CHERP: variants seen among roughly 807,000 people sequenced by gnomAD.
The protein encoded by CHERP is ERPROT 213-21.
Under a neutral mutation model 113.8 loss-of-function variants are expected in CHERP, and 8 were observed. The observed-to-expected ratio is 0.07, with a 90% CI of 0.04 to 0.13. The LOEUF (loss-of-function observed/expected upper bound fraction) is 0.13. Among genes scored for constraint, CHERP ranks in the 10% least tolerant of loss-of-function variants. The pLI is 1.00. For synonymous variants in CHERP, 559 were observed against 524.5 expected, an observed-to-expected ratio of 1.07 and a Z score of -0.90; for missense variants, 884 against 1,298.2, an observed-to-expected ratio of 0.68 and a Z score of 4.90.
chr19:16,542,405 GGCGCCACACGATCGACCACCA>G lies in CHERP; in HGVS notation c.-48_-28del. On this transcript the variant is annotated 5_prime_UTR_variant, in exon 1 of 17. Coordinates refer to ENST00000546361, the MANE Select transcript of CHERP (RefSeq NM_006387.6). ...GCTCCGGCCGCGGGGAACGTCCTCCGGCGCCACACGATCGACCACCAGCGCCGTCTGCGGAAGCCGGCCGGA... is the reference window on the plus strand; with the variant it reads ...GCTCCGGCCGCGGGGAACGTCCTCCGGCGCCGTCTGCGGAAGCCGGCCGGA... 1.5e-6 allele frequency: 2 copies of G among 1,351,112 alleles called. No individual in the cohort carries two copies. Among genetic ancestry groups the G allele is most frequent in the Non-Finnish European group, 1.9e-6 (2 of 1,044,314 alleles). The allele number at this position is 1,351,112 out of a possible 1,614,324, so 83.7% of individuals were successfully genotyped here.
At chr19:16,541,156 C>T (rs2085776849) in intron 2 of CHERP, 1 of 152,142 alleles carries the variant, frequency 6.6e-6, no homozygotes, top group Admixed American at 6.5e-5. Context: ...ACATAACACA[C>T]AATTGGCGTT....
At position 16,530,308 on chromosome 19, in the gene CHERP, CG is replaced by C. The variant is rs1326457582; in HGVS notation, c.876+276del. On this transcript the variant is annotated intron_variant, in intron 7 of 16. Coordinates refer to ENST00000546361, the MANE Select transcript of CHERP (RefSeq NM_006387.6). This position sits in a 1 kb window ranked among gnomAD's most constrained non-coding sequence, Gnocchi z 4.1. ...GGGCTTCCTCATGCTTCCACCACACCGGAACATGCCTGACCACCAGAGCAAA... is the reference window on the plus strand; with the variant it reads ...GGGCTTCCTCATGCTTCCACCACACCGAACATGCCTGACCACCAGAGCAAA... 6.6e-6 allele frequency among the ~76,000 whole-genome samples: 1 copy of C among 152,184 alleles called. No individual in the cohort carries two copies. The highest frequency in any genetic ancestry group is 2.4e-5 in the African/African-American group (1 of 41,450).
chr19:16,527,231 GC>G (rs547781790), intron 9 of CHERP, among the ~76,000 whole-genome samples: 4 of 151,642 alleles, frequency 2.6e-5, no homozygotes, highest in South Asian at 4.2e-4. Context: ...GACAAGAACT[GC>G]CCCCCCCAGC....
In CHERP at chr19:16,520,252, A is replaced by T. The variant is rs1319692686; in HGVS notation, c.2359T>A (p.Ser787Thr). 6.2e-7 allele frequency: 1 copy of T among 1,613,220 alleles called. No individual in the cohort carries two copies. Among genetic ancestry groups the T allele is most frequent in the East Asian group, 2.2e-5 (1 of 44,844 alleles). ...CGGGAGCGGCTTCTGGAGGAGCGCG[A>T]CCTGCTCCGACTTCTGCAGGGAAGG... is the stretch of plus-strand genomic sequence containing the variant. ...SRSRSRSRSR[S>T]RSSRSRSRSQ... The change falls in exon 15 of 17, where the codon TCG (serine) becomes ACG (threonine). Residue 787 changes from serine to threonine, a missense_variant. Ser to Thr is a moderately conservative substitution (Grantham distance 58). This residue lies in a region of CHERP where 159 missense variants were observed against 185.8 expected (regional missense o/e 0.86). Coordinates refer to ENST00000546361, the MANE Select transcript of CHERP (RefSeq NM_006387.6). This position sits in a 1 kb window ranked among gnomAD's most constrained non-coding sequence, Gnocchi z 4.0.
intron 2 of CHERP, among the ~76,000 whole-genome samples, chr19:16,537,635 CAT>C (rs1282748883): frequency 6.6e-6 from 1 of 152,022 alleles, no homozygotes; most frequent in Admixed American, 6.6e-5. Flanking sequence ...TGACGAGCCA[CAT>C]AGTGTCAAGG....
At chr19:16,527,360 G>A (rs1355404179) in intron 9 of CHERP, among the ~76,000 whole-genome samples, 1 of 152,210 alleles carries the variant, frequency 6.6e-6, no homozygotes, top group African/African-American at 2.4e-5. Flanking sequence ...TCCTGAAGCT[G>A]GGGATGGGAG....
chr19:16,529,534 G>T, intron 8 of CHERP, 114 bp downstream of exon 8: 2 of 1,329,748 alleles, frequency 1.5e-6, no homozygotes, highest in Non-Finnish European at 2.0e-6. Context: ...GCAGGCCTGG[G>T]ACGAGGGAAC....
chr19:16,528,804 G>T (rs1045256970), intron 8 of CHERP, among the ~76,000 whole-genome samples: 1 of 152,170 alleles, frequency 6.6e-6, no homozygotes, highest in Non-Finnish European at 1.5e-5. Context: ...ATACAAAAAA[G>T]TAGCTGGGCA....
rs867943716 is a variant in CHERP, at chr19:16,525,719, C to A, written c.1306-42G>T. On this transcript the variant is annotated intron_variant, in intron 9 of 16. Coordinates refer to ENST00000546361, the MANE Select transcript of CHERP (RefSeq NM_006387.6). The surrounding 1 kb of genome is among the most constrained non-coding windows in gnomAD (Gnocchi z 6.5). ...AGGCTTGAGCCCTGCGTGGTCTAGGCCCTAGTGCTCGGCAGCATCACAGCG... is the reference window on the plus strand; with the variant it reads ...AGGCTTGAGCCCTGCGTGGTCTAGGACCTAGTGCTCGGCAGCATCACAGCG... 4.0e-5 allele frequency: 57 copies of A among 1,429,178 alleles called. No homozygotes were observed. Among genetic ancestry groups the A allele is most frequent in the African/African-American group, 3.9e-4 (27 of 69,312 alleles). The allele number at this position is 1,429,178 out of a possible 1,614,324, so 88.5% of individuals were successfully genotyped here. A position where few individuals can be genotyped will look rare whatever the true frequency, so the allele number is the denominator to read the frequency against.
At chr19:16,522,882 C>T (rs559940390) in intron 11 of CHERP, among the ~76,000 whole-genome samples, 170 bp downstream of exon 11, 45 of 152,294 alleles carry the variant, frequency 3.0e-4, no homozygotes, top group South Asian at 2.3e-3. Context: ...CACAGCCACA[C>T]CGTGCTACTC....
intron 8 of CHERP, 122 bp from the exon 9 acceptor site, chr19:16,528,377 A>G: frequency 1.1e-6 from 1 of 925,654 alleles, no homozygotes; most frequent in Non-Finnish European, 1.6e-6. Context: ...TCGCTTCAGG[A>G]CCCACTAAAA....
rs917788800 is a variant in CHERP, at chr19:16,532,886, A to G, written c.522+125T>C. ...GGGGGGCACAGGGTCCCACAGCCTC[A>G]GGAGCTCCAGGCGGGAGGGAAGGGC... On this transcript the variant is annotated intron_variant, in intron 4 of 16. Coordinates refer to ENST00000546361, the MANE Select transcript of CHERP (RefSeq NM_006387.6). This position sits in a 1 kb window ranked among gnomAD's most constrained non-coding sequence, Gnocchi z 4.4. 1 of 1,515,042 alleles carries G rather than the reference A, an allele frequency of 6.6e-7. No homozygotes were observed. Among genetic ancestry groups the G allele is most frequent in the Non-Finnish European group, 8.9e-7 (1 of 1,124,084 alleles). The allele number at this position is 1,515,042 out of a possible 1,614,324, so 93.8% of individuals were successfully genotyped here. A position where few individuals can be genotyped will look rare whatever the true frequency, so the allele number is the denominator to read the frequency against.
chr19:16,539,232 CTG>C (rs1177757508), intron 2 of CHERP, among the ~76,000 whole-genome samples: 1 of 150,436 alleles, frequency 6.6e-6, no homozygotes, highest in African/African-American at 2.5e-5. Flanking sequence ...ACTGCAAGCT[CTG>C]CCTCCCAGGT....
chr19:16,520,685 A>G lies in CHERP; in HGVS notation c.2201+141T>C. On this transcript the variant is annotated intron_variant, in intron 13 of 16. Transcript: ENST00000546361. The surrounding 1 kb of genome is among the most constrained non-coding windows in gnomAD (Gnocchi z 4.0). ...TGTGGCCGAGCCTGCTGCTGTGTGA[A>G]TTCAGGCCTTGTGGAAAACACCGCC... 8.8e-7 allele frequency: 1 copy of G among 1,141,732 alleles called. No individual in the cohort carries two copies. The highest frequency in any genetic ancestry group is 1.8e-5 in the Admixed American group (1 of 54,456). The allele number at this position is 1,141,732 out of a possible 1,614,324, so 70.7% of individuals were successfully genotyped here.
In CHERP at chr19:16,530,032, A is replaced by T; in HGVS notation, c.877-132T>A. The stretch of plus-strand genomic sequence containing the variant: ...CAGGTGGACAGGGAACCGTCACGTG[A>T]AACAGCCAACACAGTCTGGGCAATC... On this transcript the variant is annotated intron_variant, in intron 7 of 16. Coordinates refer to ENST00000546361, the MANE Select transcript of CHERP (RefSeq NM_006387.6). The surrounding 1 kb of genome is among the most constrained non-coding windows in gnomAD (Gnocchi z 4.1). 2.5e-6 allele frequency: 3 copies of T among 1,198,940 alleles called. No individual in the cohort carries two copies. The highest frequency in any genetic ancestry group is 3.5e-6 in the Non-Finnish European group (3 of 864,724). 74.3% of individuals were successfully genotyped at this position (1,198,940 alleles called of 1,614,324 possible).
rs201325317 is a variant in CHERP, at chr19:16,520,549, G to C, written c.2202-42C>G. ...GATGATCAGGTGCCCCAGTGGATGG[G>C]CTGCACCCAGCCCACCCTGGCCCTC... is the stretch of plus-strand genomic sequence containing the variant. On this transcript the variant is annotated intron_variant, in intron 13 of 16. Coordinates refer to ENST00000546361, the MANE Select transcript of CHERP (RefSeq NM_006387.6). This position sits in a 1 kb window ranked among gnomAD's most constrained non-coding sequence, Gnocchi z 4.0. 2.7e-4 allele frequency: 433 copies of C among 1,585,636 alleles called. 2 individuals are homozygous for C. In the East Asian group the frequency reaches 8.1e-3, roughly 30 times the overall value.
chr19:16,528,682 G>T (rs527305792), intron 8 of CHERP, among the ~76,000 whole-genome samples: 1 of 152,126 alleles, frequency 6.6e-6, no homozygotes, highest in South Asian at 2.1e-4. Flanking sequence ...GGCCGGGTGC[G>T]GTGGCTCACG....
At chr19:16,527,028 C>G (rs373889655) in intron 9 of CHERP, among the ~76,000 whole-genome samples, 1 of 152,308 alleles carries the variant, frequency 6.6e-6, no homozygotes, top group African/African-American at 2.4e-5. Context: ...TACTTTTAAA[C>G]GTGTTAAGAC....
Position 16,532,937 on chromosome 19 carries a change from G to A in CHERP, c.522+74C>T. 6.5e-7 allele frequency: 1 copy of A among 1,538,708 alleles called. No homozygotes were observed. The highest frequency in any genetic ancestry group is 8.8e-7 in the Non-Finnish European group (1 of 1,138,466). ...ACCCATTGTAACAGCCCTTAGCCCA[G>A]ATTGGCTACGACAGGCCCTGCCTCA... On this transcript the variant is annotated intron_variant, in intron 4 of 16. Coordinates refer to ENST00000546361, the MANE Select transcript of CHERP (RefSeq NM_006387.6). The surrounding 1 kb of genome is among the most constrained non-coding windows in gnomAD (Gnocchi z 4.4).
Sources: allele counts gnomAD v4.1 joint callset (sites outside exome capture counted in the v4.1 genomes callset), GRCh38; gene constraint gnomAD v4.1.1; regional missense constraint gnomAD v4.1.1; non-coding constraint Gnocchi (gnomAD v3.1); transcripts MANE v1.5; gene names NCBI Gene and HGNC (gene_info 2026-07-23, HGNC 2026-07-21).